The following UBA6 variants were observed in gnomAD, a reference collection of about 807,000 sequenced individuals.
The protein encoded by UBA6 is ubiquitin like modifier activating enzyme 6, also known as ubiquitin-like modifier-activating enzyme 6.
Under a neutral mutation model 148.3 loss-of-function variants are expected in UBA6, and 87 were observed. The observed-to-expected ratio is 0.59, with a 90% CI of 0.49 to 0.70. The LOEUF (loss-of-function observed/expected upper bound fraction) is 0.70, where lower values mean the gene tolerates loss of function less well. UBA6 is among the 30% of genes least tolerant of loss of function. The probability of loss-of-function intolerance (pLI) is 0.00; values close to 1 mark genes in which losing one functional copy is unlikely to be tolerated. For synonymous variants in UBA6, 376 were observed against 401.0 expected, an observed-to-expected ratio of 0.94 and a Z score of 0.75; for missense variants, 1,186 against 1,241.2, an observed-to-expected ratio of 0.96 and a Z score of 0.67.
At chr4:67,632,811 G>T (rs1729030684) in intron 23 of UBA6, among the ~76,000 whole-genome samples, 1 of 151,976 alleles carries the variant, frequency 6.6e-6, no homozygotes, top group South Asian at 2.1e-4. Flanking sequence ...GGAAAACATA[G>T]GGAAACCCTG....
At chr4:67,688,257 G>A (rs182673131) in intron 2 of UBA6, among the ~76,000 whole-genome samples, 4 of 152,228 alleles carry the variant, frequency 2.6e-5, no homozygotes, top group South Asian at 2.1e-4. Context: ...ATTCAATGGA[G>A]GGTACTTTCA....
intron 32 of UBA6, among the ~76,000 whole-genome samples, chr4:67,621,266 A>C (rs1278182756): frequency 6.6e-6 from 1 of 152,250 alleles, no homozygotes; most frequent in East Asian, 1.9e-4. Flanking sequence ...TAAGGTACAG[A>C]TAATTCAGAC....
At chr4:67,648,987 A>T in intron 14 of UBA6, 81 bp downstream of exon 14, 1 of 1,395,182 alleles carries the variant, frequency 7.2e-7, no homozygotes, top group East Asian at 2.4e-5. Context: ...TCGCTTTTCT[A>T]ATATATTAAT....
chr4:67,689,290 G>C (rs889498255), intron 2 of UBA6, among the ~76,000 whole-genome samples: 3 of 152,004 alleles, frequency 2.0e-5, no homozygotes, highest in Non-Finnish European at 4.4e-5. Context: ...TCAACTTATG[G>C]GTTTATCAGG....
At chr4:67,693,478 G>A (rs920327208) in intron 2 of UBA6, among the ~76,000 whole-genome samples, 2 of 152,052 alleles carry the variant, frequency 1.3e-5, no homozygotes, top group Non-Finnish European at 2.9e-5. Flanking sequence ...GTGGATTTTC[G>A]ACTGCACAAG....
chr4:67,655,390 C>A (rs190792479), intron 13 of UBA6, among the ~76,000 whole-genome samples: 1 of 152,188 alleles, frequency 6.6e-6, no homozygotes, highest in Non-Finnish European at 1.5e-5. Context: ...GAAACTCACT[C>A]AAAACCGCAC....
rs2109906108 is a variant in UBA6 at position 67,635,462 on chromosome 4, G to GT, written c.1832dup (p.Tyr611Ter). 6.3e-7 allele frequency: 1 copy of GT among 1,583,626 alleles called. No homozygotes were observed. Among genetic ancestry groups the GT allele is most frequent in the South Asian group, 1.1e-5 (1 of 90,176 alleles). ...EVIVPHLTES[Y>*]NSHRDPPEEE... ...ATATTGATTCACTTACATGACTATT[G>GT]TAAGACTCAGTCAAATGCGGTACAA... The change falls in exon 20 of 33, where the codon TAC becomes TAAC. Residue 611 changes from tyrosine (Y) to a stop codon, truncating the protein, a stop_gained and frameshift_variant. Coordinates refer to ENST00000322244, the MANE Select transcript of UBA6 (RefSeq NM_018227.6). LOFTEE classifies it high-confidence loss of function.
intron 19 of UBA6, among the ~76,000 whole-genome samples, chr4:67,636,608 G>C (rs1011690832): frequency 3.9e-5 from 6 of 152,226 alleles, no homozygotes; most frequent in African/African-American, 1.4e-4. Flanking sequence ...TGGCCGGGCT[G>C]GTCTCCAGCT....
intron 1 of UBA6, among the ~76,000 whole-genome samples, chr4:67,697,726 T>C (rs1256477072): frequency 6.6e-6 from 1 of 152,226 alleles, no homozygotes; most frequent in East Asian, 1.9e-4. Context: ...GATCATTTCT[T>C]ACTATTTCAA....
At chr4:67,677,828 T>A in intron 5 of UBA6, 106 bp from the exon 6 acceptor site, 1 of 553,734 alleles carries the variant, frequency 1.8e-6, no homozygotes, top group Non-Finnish European at 3.1e-6. Flanking sequence ...GTTACAAAAT[T>A]TCAATGGAAA....
rs939060876 is a variant in UBA6, at chr4:67,697,632, C to T, written c.72-925G>A. 2.0e-5 allele frequency among the ~76,000 whole-genome samples: 3 copies of T among 152,186 alleles called. No individual in the cohort carries two copies. In the East Asian group the frequency reaches 5.8e-4, roughly 29 times the overall value. ...TCATTTACTGGGTTGGGCCTGAAAT[C>T]TAGGGATCTTCTTGCTTAAATCATT... On this transcript the variant is annotated intron_variant, in intron 1 of 32. Coordinates refer to ENST00000322244, the MANE Select transcript of UBA6 (RefSeq NM_018227.6).
Position 67,670,513 on chromosome 4 carries a change from G to A in UBA6, c.626C>T (p.Thr209Ile), listed in dbSNP as rs1244320046. 20 of 1,597,840 alleles carry A rather than the reference G, an allele frequency of 1.3e-5. No homozygotes were observed. Among genetic ancestry groups the A allele is most frequent in the Non-Finnish European group, 1.7e-5 (20 of 1,165,422 alleles). Reference protein sequence around the residue: ...FGDEFEVLDTTGEEPKEIFIS... With the variant: ...FGDEFEVLDTIGEEPKEIFIS... ...GAAAATTTCTTTTGGTTCTTCTCCT[G>A]TTGTATCTAAAACTTCAAATTCATC... The change falls in exon 8 of 33, where the codon ACA (threonine) becomes ATA (isoleucine). Residue 209 changes from threonine (T) to isoleucine (I), a missense_variant. Transcript: ENST00000322244.
At chr4:67,639,217 G>A (rs1729244540) in intron 18 of UBA6, 93 bp from the exon 19 acceptor site, 2 of 1,026,114 alleles carry the variant, frequency 1.9e-6, no homozygotes, top group Non-Finnish European at 2.8e-6. Context: ...GAATGTGTAA[G>A]TTCAGTCATA....
At chr4:67,697,406 G>A (rs971269573) in intron 1 of UBA6, among the ~76,000 whole-genome samples, 2 of 152,240 alleles carry the variant, frequency 1.3e-5, no homozygotes, top group Admixed American at 1.3e-4. Context: ...CAATCCTATT[G>A]ATGAATATAT....
Position 67,631,929 on chromosome 4 carries a change from A to G in UBA6, c.2143-21T>C, listed in dbSNP as rs1225701276. The G allele has an allele frequency of 5.0e-6, 8 of 1,604,308 alleles. No homozygotes were observed. The East Asian group carries it at 1.6e-4, about 31-fold the overall frequency. On this transcript the variant is annotated intron_variant, in intron 23 of 32. Transcript: ENST00000322244. Reference sequence around the variant, plus strand: ...AGAGCCTAAAGAAAAAAAATGAATTAAAGACACCCACTACTTAATATTATC... The same window carrying G: ...AGAGCCTAAAGAAAAAAAATGAATTGAAGACACCCACTACTTAATATTATC...
intron 2 of UBA6, among the ~76,000 whole-genome samples, chr4:67,687,766 G>A (rs1730606559): frequency 6.6e-6 from 1 of 152,138 alleles, no homozygotes; most frequent in Admixed American, 6.5e-5. Flanking sequence ...GTTTGCTAAG[G>A]ATAATCGCTT....
chr4:67,675,526 T>A (rs925553982), intron 6 of UBA6, among the ~76,000 whole-genome samples: 1 of 152,150 alleles, frequency 6.6e-6, no homozygotes, highest in African/African-American at 2.4e-5. Flanking sequence ...AGGTCAGAAG[T>A]TCGAGACCAG....
intron 6 of UBA6, among the ~76,000 whole-genome samples, chr4:67,674,456 A>C (rs905467724): frequency 1.3e-5 from 2 of 152,214 alleles, no homozygotes; most frequent in African/African-American, 4.8e-5. Context: ...CCCCAAGCTC[A>C]GTGTTCTTCT....
At chr4:67,669,352 C>G (rs1730085706) in intron 8 of UBA6, among the ~76,000 whole-genome samples, 1 of 152,158 alleles carries the variant, frequency 6.6e-6, no homozygotes, top group Admixed American at 6.5e-5. Context: ...TACAGATTGA[C>G]TTTTTGATAA....
Sources: allele counts gnomAD v4.1 joint callset (sites outside exome capture counted in the v4.1 genomes callset), GRCh38; gene constraint gnomAD v4.1.1; transcripts MANE v1.5; gene names NCBI Gene and HGNC (gene_info 2026-07-23, HGNC 2026-07-21).